Variants in CD163L1 observed in about 807,000 individuals in gnomAD.
CD163L1 encodes scavenger receptor cysteine-rich type 1 protein M160.
In CD163L1, 124 loss-of-function variants were observed where a neutral mutation model predicts 165.4. That is an observed-to-expected ratio of 0.75 (90% CI 0.65 to 0.87). The LOEUF is 0.87. Among genes scored for constraint, CD163L1 ranks in the 40% least tolerant of loss-of-function variants. The pLI is 0.00. For missense variants in CD163L1, 1,525 were observed against 1,799.9 expected, an observed-to-expected ratio of 0.85 and a Z score of 2.76; for synonymous variants, 585 against 662.2, an observed-to-expected ratio of 0.88 and a Z score of 1.79.
the CD163L1 span, among the ~76,000 whole-genome samples, chr12:7,324,832 T>TA: frequency 7.3e-3 from 995 of 136,774 alleles, 12 homozygotes; most frequent in Middle Eastern, 0.022. Context: ...TGCCTTAAGT[T>TA]AAAAAAAAAA....
At chr12:7,441,613 C>G (rs1948832136) in intron 1 of CD163L1, among the ~76,000 whole-genome samples, 1 of 152,168 alleles carries the variant, frequency 6.6e-6, no homozygotes, top group Non-Finnish European at 1.5e-5. Flanking sequence ...TGTTTTTCCT[C>G]CTAACGTTAT....
At chr12:7,342,157 A>T (rs1717564871), downstream of CD163L1, among the ~76,000 whole-genome samples, 1 of 152,188 alleles carries the variant, frequency 6.6e-6, no homozygotes, top group Non-Finnish European at 1.5e-5. Flanking sequence ...AACTGGCCAT[A>T]AACAAAATCT....
chr12:7,342,503 G>A (rs1946643898), downstream of CD163L1, among the ~76,000 whole-genome samples: 1 of 152,154 alleles, frequency 6.6e-6, no homozygotes. Flanking sequence ...CAGCTCTGAA[G>A]GCTGTGAGAC....
chr12:7,440,133 G>GA (rs1231218795), intron 2 of CD163L1: 5 of 688,298 alleles, frequency 7.3e-6, no homozygotes, highest in Non-Finnish European at 1.3e-5. Context: ...CGCCAGCGTG[G>GA]CCACGTCCCG....
At position 7,369,545 on chromosome 12, in the gene CD163L1, C is replaced by T; in HGVS notation, c.3851G>A (p.Cys1284Tyr). ...SWDLAEAEVV[C>Y]QQLGCGSALA... ...AGCAGAGCCACAGCCCAGCTGCTGA[C>T]ACACCACTTCCGCCTCGGCCAGGTC... The change falls in exon 15 of 20, where the codon TGT becomes TAT. Residue 1284 changes from cysteine (C) to tyrosine (Y), a missense_variant. Physicochemically the swap from Cys to Tyr is radical, Grantham distance 194. Coordinates refer to ENST00000313599, the MANE Select transcript of CD163L1 (RefSeq NM_174941.6). The surrounding 1 kb of genome is among the most constrained non-coding windows in gnomAD (Gnocchi z 4.9). 6.2e-7 allele frequency: 1 copy of T among 1,614,196 alleles called. No homozygotes were observed.
chr12:7,429,333 G>A lies in CD163L1; in HGVS notation c.766+3083C>T, dbSNP rs1453995793. On this transcript the variant is annotated intron_variant, in intron 4 of 19. Transcript: ENST00000313599. ...TTGGATTTGTCTTTATAGAAAATTT[G>A]TAAACCACAAAAACATATCCGTCCA... 5.3e-5 allele frequency among the ~76,000 whole-genome samples: 8 copies of A among 152,072 alleles called. No individual in the cohort carries two copies. In the South Asian group the frequency reaches 1.2e-3, roughly 24 times the overall value.
chr12:7,369,798 TA>T lies in CD163L1; in HGVS notation c.3731-134del. 1.4e-6 allele frequency: 1 copy of T among 736,364 alleles called. No homozygotes were observed. The highest frequency in any genetic ancestry group is 2.2e-6 in the Non-Finnish European group (1 of 449,548). 45.6% of individuals were successfully genotyped at this position (736,364 alleles called of 1,614,324 possible). On this transcript the variant is annotated intron_variant, in intron 14 of 19. Coordinates refer to ENST00000313599, the MANE Select transcript of CD163L1 (RefSeq NM_174941.6). The surrounding 1 kb of genome is among the most constrained non-coding windows in gnomAD (Gnocchi z 4.9). ...GGTAAGGAAGGCAGAATTTCAATGT[TA>T]CATAGATTAGACAAGAACCTGTGAA...
At chr12:7,409,950 G>A (rs901219033) in intron 4 of CD163L1, among the ~76,000 whole-genome samples, 2 of 152,164 alleles carry the variant, frequency 1.3e-5, no homozygotes, top group Non-Finnish European at 2.9e-5. Context: ...AACAGGAGGT[G>A]TGAATTACCA....
At chr12:7,440,159 C>T (rs1398103356) in intron 2 of CD163L1, among the ~76,000 whole-genome samples, 2 of 152,270 alleles carry the variant, frequency 1.3e-5, no homozygotes, top group African/African-American at 4.8e-5. Flanking sequence ...GCTCCGCCGC[C>T]TGCTCTTGGC....
rs757847816 is a variant in CD163L1 at position 7,396,389 on chromosome 12, C to A, written c.1756G>T (p.Val586Leu). 7 of 1,609,566 alleles carry A rather than the reference C, an allele frequency of 4.3e-6. No individual in the cohort carries two copies. The South Asian group carries it at 7.7e-5, about 18-fold the overall frequency. ...CCCGAGCAGCGGTTGCTGCCGCCCA[C>A]CAGCCTCAGGCCCCATGTTGCATCA... ...SGDATWGLRL[V>L]GGSNRCSGRL... is the part of the protein sequence containing the mutation. Residue 586 changes from valine to leucine, a missense_variant, in exon 8 of 20, where the codon GTG becomes TTG. Coordinates refer to ENST00000313599, the MANE Select transcript of CD163L1 (RefSeq NM_174941.6).
chr12:7,379,898 A>G (rs906135375), intron 8 of CD163L1, among the ~76,000 whole-genome samples: 1 of 151,730 alleles, frequency 6.6e-6, no homozygotes, highest in Non-Finnish European at 1.5e-5. Context: ...AATGCTCATC[A>G]TCACTAATGA....
chr12:7,443,995 T>G, intron 1 of CD163L1, 102 bp downstream of exon 1: 1 of 1,155,964 alleles, frequency 8.7e-7, no homozygotes, highest in South Asian at 1.5e-5. Context: ...CTGTTTTCTT[T>G]TTACCTTACT....
intron 4 of CD163L1, among the ~76,000 whole-genome samples, chr12:7,413,070 C>T (rs985701265): frequency 2.0e-4 from 24 of 122,286 alleles, no homozygotes; most frequent in African/African-American, 6.8e-4. Context: ...TACTCCTGAG[C>T]GACAGAGTGA....
chr12:7,380,295 G>GTATACGCATATACATACATATA (rs1565783993), intron 8 of CD163L1, among the ~76,000 whole-genome samples: 1 of 77,920 alleles, frequency 1.3e-5, no homozygotes, highest in Non-Finnish European at 2.8e-5. Context: ...GTGTGTGTGT[G>GTATACGCATATACATACATATA]TGTGTGTATA....
the CD163L1 span, chr12:7,322,578 G>T: frequency 3.8e-5 from 60 of 1,571,022 alleles, no homozygotes; most frequent in Admixed American, 2.1e-4. Flanking sequence ...GTATATGTGG[G>T]GGCCTTTCTG....
chr12:7,357,561 T>G (rs1946803976), intron 18 of CD163L1, 75 bp from the exon 19 acceptor site: 1 of 1,231,454 alleles, frequency 8.1e-7, no homozygotes, highest in Admixed American at 1.8e-5. Context: ...TTAAGTGCAG[T>G]GTTTGATCAG....
rs1326825688 is a variant in CD163L1, at chr12:7,400,866, GA to G, written c.1409-2283del. Among the ~76,000 whole-genome samples, 1 of 152,182 alleles carries G rather than the reference GA, an allele frequency of 6.6e-6. No individual in the cohort carries two copies. Among genetic ancestry groups the G allele is most frequent in the Non-Finnish European group, 1.5e-5 (1 of 68,024 alleles). On this transcript the variant is annotated intron_variant, in intron 6 of 19. Coordinates refer to ENST00000313599, the MANE Select transcript of CD163L1 (RefSeq NM_174941.6). The surrounding 1 kb of genome is among the most constrained non-coding windows in gnomAD (Gnocchi z 4.1). The stretch of plus-strand genomic sequence containing the variant: ...AAATGTGATGGTTCTAGAAATAGAA[GA>G]GGGGGATTATGTATTTTATAAAGGG...
At chr12:7,397,152 ATACT>A (rs972559139) in intron 7 of CD163L1, among the ~76,000 whole-genome samples, 7 of 152,202 alleles carry the variant, frequency 4.6e-5, no homozygotes, top group Non-Finnish European at 8.8e-5. Context: ...TCCTAATCAA[ATACT>A]TACAGTAGGC....
At chr12:7,323,171 G>C in the CD163L1 span, 1 of 1,421,790 alleles carries the variant, frequency 7.0e-7, no homozygotes, top group Non-Finnish European at 9.6e-7. Context: ...AATTTTCATT[G>C]CCATGATATA....
Sources: allele counts gnomAD v4.1 joint callset (sites outside exome capture counted in the v4.1 genomes callset), GRCh38; gene constraint gnomAD v4.1.1; non-coding constraint Gnocchi (gnomAD v3.1); transcripts MANE v1.5; gene names NCBI Gene and HGNC (gene_info 2026-07-23, HGNC 2026-07-21).